ROBO2: variants seen among roughly 807,000 people sequenced by gnomAD.
The protein encoded by ROBO2 is roundabout homolog 2.
A neutral mutation model predicts 160.8 loss-of-function variants in ROBO2; 53 were observed. That is an observed-to-expected ratio of 0.33 (90% confidence interval 0.26 to 0.41). ROBO2 has a LOEUF of 0.41. ROBO2 is among the 10% of genes least tolerant of loss of function. The pLI, the probability that ROBO2 is intolerant of heterozygous loss-of-function variation, is 1.00. For synonymous variants in ROBO2, 664 were observed against 611.7 expected (o/e 1.09, Z -1.26); for missense variants, 1,577 against 1,722.4 (o/e 0.92, Z 1.49).
At chr3:76,811,974 G>A (rs1389999634) in intron 2 of ROBO2, among the ~76,000 whole-genome samples, 1 of 151,532 alleles carries the variant, frequency 6.6e-6, no homozygotes. Context: ...AGGTTCAAGC[G>A]ATTCTCCTGC....
intron 6 of ROBO2, among the ~76,000 whole-genome samples, chr3:77,537,163 T>C (rs1399822034): frequency 6.6e-6 from 1 of 151,642 alleles, no homozygotes; most frequent in Non-Finnish European, 1.5e-5. Flanking sequence ...GCCTTTACAG[T>C]TGCAACACAT....
intron 2 of ROBO2, among the ~76,000 whole-genome samples, chr3:76,427,805 C>A (rs532735830): frequency 8.2e-4 from 125 of 152,160 alleles, no homozygotes; most frequent in Non-Finnish European, 1.6e-3. Context: ...GAGAAGGCTT[C>A]TTTTTCAGAT....
At chr3:77,092,972 T>C (rs1248347741) in intron 1 of ROBO2, among the ~76,000 whole-genome samples, 4 of 151,946 alleles carry the variant, frequency 2.6e-5, no homozygotes, top group Non-Finnish European at 5.9e-5. Context: ...TTGAGCAGGG[T>C]GGGCAAACCT....
intron 2 of ROBO2, among the ~76,000 whole-genome samples, chr3:76,375,496 A>G (rs1647954297): frequency 6.6e-6 from 1 of 152,026 alleles, no homozygotes; most frequent in Non-Finnish European, 1.5e-5. Context: ...AAGAAGAATG[A>G]GGTGCATCCT....
At chr3:76,915,043 T>G (rs1208701430) in intron 2 of ROBO2, among the ~76,000 whole-genome samples, 1 of 152,252 alleles carries the variant, frequency 6.6e-6, no homozygotes, top group African/African-American at 2.4e-5. Flanking sequence ...AATACCAATT[T>G]GTAGTTTAAA....
At chr3:76,636,178 A>G (rs1041335306) in intron 2 of ROBO2, among the ~76,000 whole-genome samples, 1 of 152,228 alleles carries the variant, frequency 6.6e-6, no homozygotes, top group Non-Finnish European at 1.5e-5. Flanking sequence ...CGTTAGAAAT[A>G]TTGCATAAAT....
intron 2 of ROBO2, among the ~76,000 whole-genome samples, chr3:76,085,029 G>T (rs1035274603): frequency 6.6e-6 from 1 of 151,882 alleles, no homozygotes; most frequent in Non-Finnish European, 1.5e-5. Context: ...GCTTGGAAAT[G>T]CTGACTATTC....
At chr3:75,919,793 A>C (rs1298103672) in intron 1 of ROBO2, among the ~76,000 whole-genome samples, 1 of 152,114 alleles carries the variant, frequency 6.6e-6, no homozygotes, top group Admixed American at 6.5e-5. Context: ...GAATTTATCC[A>C]TTTCCTCTAG....
Position 76,367,958 on chromosome 3 carries a change from C to T in ROBO2, c.109+430356C>T, listed in dbSNP as rs192095322. The stretch of plus-strand genomic sequence containing the variant: ...ACATTACTTAAAAGTATAGACGTGC[C>T]TTAAAAAACATTAATGTTCTAATCA... On this transcript the variant is annotated intron_variant, in intron 2 of 26. Coordinates refer to the ROBO2 transcript ENST00000487694. 3.3e-3 allele frequency among the ~76,000 whole-genome samples: 496 copies of T among 151,514 alleles called. 4 individuals are homozygous for T. Among genetic ancestry groups the T allele is most frequent in the African/African-American group, 0.011 (462 of 41,402 alleles).
At chr3:76,449,433 A>C (rs1050895700) in intron 2 of ROBO2, among the ~76,000 whole-genome samples, 4 of 152,120 alleles carry the variant, frequency 2.6e-5, no homozygotes, top group Non-Finnish European at 5.9e-5. Flanking sequence ...GTGAATGTAA[A>C]GAAATATTTC....
intron 2 of ROBO2, among the ~76,000 whole-genome samples, chr3:76,514,957 T>A (rs2081278183): frequency 1.3e-5 from 2 of 152,158 alleles, no homozygotes; most frequent in Admixed American, 1.3e-4. Context: ...AGAGGTGGTG[T>A]TTGCATAATG....
chr3:76,903,520 G>T (rs1192079654), intron 2 of ROBO2, among the ~76,000 whole-genome samples: 1 of 152,024 alleles, frequency 6.6e-6, no homozygotes, highest in Non-Finnish European at 1.5e-5. Context: ...CAGTGGTCCT[G>T]AAATTGAAGG....
At chr3:77,226,472 T>C (rs1448002107) in intron 2 of ROBO2, among the ~76,000 whole-genome samples, 1 of 152,078 alleles carries the variant, frequency 6.6e-6, no homozygotes, top group Non-Finnish European at 1.5e-5. Flanking sequence ...GAGTTGCTGG[T>C]AGATTTTGGT....
chr3:76,200,001 C>T (rs1367925524), intron 2 of ROBO2, among the ~76,000 whole-genome samples: 1 of 152,068 alleles, frequency 6.6e-6, no homozygotes, highest in Non-Finnish European at 1.5e-5. Context: ...CCTTTATTTC[C>T]ACTATAGGAG....
chr3:76,711,405 A>C (rs2093291411), intron 2 of ROBO2, among the ~76,000 whole-genome samples: 1 of 152,184 alleles, frequency 6.6e-6, no homozygotes, highest in Non-Finnish European at 1.5e-5. Context: ...ATTACAACGA[A>C]ACGTGAGATT....
At chr3:76,657,008 T>C (rs2091561160) in intron 2 of ROBO2, among the ~76,000 whole-genome samples, 1 of 152,202 alleles carries the variant, frequency 6.6e-6, no homozygotes. Flanking sequence ...ATCAAGTCTC[T>C]AAGCACCTTG....
rs528593125 is a variant in ROBO2 at position 77,566,296 on chromosome 3, AT to A, written c.1849+1180del. ...TGTTCTCTAAGCAGTAATGTGATTA[AT>A]TTTCCATGGCGATAAAGGGCCTGTA... On this transcript the variant is annotated intron_variant, in intron 12 of 25. Transcript: ENST00000461745. Among the ~76,000 whole-genome samples the A allele has an allele frequency of 4.6e-5, 7 of 152,132 alleles. No homozygotes were observed. The East Asian group carries it at 1.4e-3, about 30-fold the overall frequency.
intron 2 of ROBO2, among the ~76,000 whole-genome samples, chr3:76,164,404 T>C (rs935738752): frequency 6.6e-6 from 1 of 152,206 alleles, no homozygotes; most frequent in Non-Finnish European, 1.5e-5. Flanking sequence ...TTCAGTTTAC[T>C]TTGCCCAGAT....
chr3:76,544,409 A>G (rs1053919000), intron 2 of ROBO2, among the ~76,000 whole-genome samples: 1 of 152,046 alleles, frequency 6.6e-6, no homozygotes, highest in Non-Finnish European at 1.5e-5. Flanking sequence ...ATTTATTTAT[A>G]TTAAAATGAA....
Sources: allele counts gnomAD v4.1 joint callset (sites outside exome capture counted in the v4.1 genomes callset), GRCh38; gene constraint gnomAD v4.1.1; transcripts MANE v1.5; gene names NCBI Gene and HGNC (gene_info 2026-07-23, HGNC 2026-07-21).